Variants in TRPC5 observed in about 807,000 individuals in gnomAD.
The protein encoded by TRPC5 is transient receptor potential cation channel subfamily C member 5, also known as short transient receptor potential channel 5.
A neutral mutation model predicts 56.5 loss-of-function variants in TRPC5; 9 were observed. The ratio of observed to expected loss-of-function variants is 0.16; its 90% confidence interval spans 0.10 to 0.28. The LOEUF is 0.28. Ranked by LOEUF, TRPC5 falls within the 10% of genes least tolerant of loss-of-function variation. The probability of loss-of-function intolerance (pLI) is 1.00; values close to 1 mark genes in which losing one functional copy is unlikely to be tolerated. For missense variants in TRPC5, 469 were observed against 748.9 expected (o/e 0.63, Z 4.36); for synonymous variants, 282 against 278.5 (o/e 1.01, Z -0.13).
intron 1 of TRPC5, among the ~76,000 whole-genome samples, chrX:112,005,833 G>A (rs1280604709): frequency 8.9e-6 from 1 of 111,733 alleles, no homozygotes. Flanking sequence ...ATTTGAAATT[G>A]ACCTGATATG....
At chrX:112,060,839 G>A (rs1019887690) in intron 1 of TRPC5, among the ~76,000 whole-genome samples, 9 of 112,547 alleles carry the variant, frequency 8.0e-5, no homozygotes, top group African/African-American at 2.6e-4. Context: ...TTTGTTAGCT[G>A]CAATATGCTT....
intron 3 of TRPC5, among the ~76,000 whole-genome samples, chrX:111,886,850 A>G (rs1325577882): frequency 1.8e-5 from 2 of 112,677 alleles, no homozygotes; most frequent in Non-Finnish European, 3.7e-5. Context: ...GTATGTAAAT[A>G]TAGCTGCATC....
chrX:111,853,440 T>C (rs1923138950), intron 4 of TRPC5, among the ~76,000 whole-genome samples: 1 of 111,960 alleles, frequency 8.9e-6, no homozygotes, highest in Non-Finnish European at 1.9e-5. Context: ...TTGAATAGAC[T>C]GATCAGCACT....
chrX:111,946,895 C>T (rs760060509), intron 2 of TRPC5, among the ~76,000 whole-genome samples: 7 of 112,293 alleles, frequency 6.2e-5, no homozygotes, highest in Non-Finnish European at 1.1e-4. Context: ...CAATAGGCTG[C>T]AGATTCTCAG....
intron 1 of TRPC5, among the ~76,000 whole-genome samples, chrX:112,069,326 G>A (rs1930660569): frequency 8.9e-6 from 1 of 111,949 alleles, no homozygotes; most frequent in Non-Finnish European, 1.9e-5. Flanking sequence ...ATGGGAAAGT[G>A]CTTTGGGCAT....
intron 3 of TRPC5, among the ~76,000 whole-genome samples, chrX:111,864,048 G>C (rs182997841): frequency 1.8e-5 from 2 of 110,840 alleles, no homozygotes; most frequent in African/African-American, 6.6e-5. Context: ...GTGCAGTGGC[G>C]CGATCTCAGC....
chrX:111,845,891 C>T (rs1490329805), intron 6 of TRPC5, among the ~76,000 whole-genome samples: 1 of 111,617 alleles, frequency 9.0e-6, no homozygotes, highest in Admixed American at 9.6e-5. Context: ...AAGATTTAGC[C>T]CTGAGTTTCA....
At chrX:112,023,249 T>TA (rs1929328761) in intron 1 of TRPC5, among the ~76,000 whole-genome samples, 1 of 82,187 alleles carries the variant, frequency 1.2e-5, no homozygotes, top group Non-Finnish European at 2.3e-5. Flanking sequence ...TTTTTTTGTT[T>TA]TTTTTTTTTT....
intron 7 of TRPC5, among the ~76,000 whole-genome samples, chrX:111,818,974 T>C (rs771623204): frequency 8.9e-5 from 10 of 111,922 alleles, no homozygotes; most frequent in Non-Finnish European, 1.5e-4. Context: ...TTCCATTTTA[T>C]AGATTGGGAA....
chrX:111,975,591 G>C (rs975405526), intron 1 of TRPC5, among the ~76,000 whole-genome samples: 1 of 110,317 alleles, frequency 9.1e-6, no homozygotes, highest in African/African-American at 3.3e-5. Context: ...CACACCCCCC[G>C]ACAGACTAAA....
intron 3 of TRPC5, among the ~76,000 whole-genome samples, chrX:111,865,050 G>A (rs1345468405): frequency 9.1e-6 from 1 of 110,401 alleles, no homozygotes; most frequent in Non-Finnish European, 1.9e-5. Flanking sequence ...GAGTGTACTG[G>A]CATGATCTCA....
chrX:111,878,582 G>A (rs920304997), intron 3 of TRPC5, among the ~76,000 whole-genome samples: 27 of 111,776 alleles, frequency 2.4e-4, no homozygotes, highest in African/African-American at 7.5e-4. Context: ...TCTGTGTACT[G>A]TAGGGTGTTT....
In TRPC5 at chrX:111,882,754, T is replaced by G. The variant is rs1277186901; in HGVS notation, c.901-28648A>C. Among the ~76,000 whole-genome samples the G allele has an allele frequency of 1.1e-4, 12 of 112,016 alleles. No individual in the cohort carries two copies. In the Admixed American group the frequency reaches 1.1e-3, roughly 11 times the overall value. On this transcript the variant is annotated intron_variant, in intron 3 of 10. Transcript: ENST00000262839. ...AGATATCAGTTAGGTGGAGACAGAGTCTAAGTCTAGTTAAGTCCTAGTCGG... is the reference window on the plus strand; with the variant it reads ...AGATATCAGTTAGGTGGAGACAGAGGCTAAGTCTAGTTAAGTCCTAGTCGG...
Position 111,968,863 on chromosome X carries a change from A to C in TRPC5, c.-21-16422T>G, listed in dbSNP as rs756723704. Among the ~76,000 whole-genome samples, 395 of 103,317 alleles carry C rather than the reference A, an allele frequency of 3.8e-3. 3 individuals carry two copies. Among genetic ancestry groups the C allele is most frequent in the African/African-American group, 0.013 (381 of 28,485 alleles). 89.7% of individuals were successfully genotyped at this position (103,317 alleles called of 115,157 possible). A position where few individuals can be genotyped will look rare whatever the true frequency, so the allele number is the denominator to read the frequency against. On this transcript the variant is annotated intron_variant, in intron 1 of 10. Coordinates refer to ENST00000262839, the MANE Select transcript of TRPC5 (RefSeq NM_012471.3). ...GGGGGGAGGGATAGCATTTGGAGATATACCTAATGCTAAATGATGAGTTAA... is the reference window on the plus strand; with the variant it reads ...GGGGGGAGGGATAGCATTTGGAGATCTACCTAATGCTAAATGATGAGTTAA...
chrX:112,072,835 C>G (rs1162669546), intron 1 of TRPC5, among the ~76,000 whole-genome samples: 6 of 111,212 alleles, frequency 5.4e-5, no homozygotes, highest in Non-Finnish European at 1.1e-4. Flanking sequence ...TTGGTGTGCC[C>G]ATTTCTAACT....
intron 1 of TRPC5, among the ~76,000 whole-genome samples, chrX:111,995,132 A>T (rs781623604): frequency 8.9e-6 from 1 of 111,803 alleles, no homozygotes; most frequent in Non-Finnish European, 1.9e-5. Context: ...ATTTTGAGAT[A>T]CATTCCATCA....
At chrX:111,839,975 C>T (rs1922680113) in intron 6 of TRPC5, among the ~76,000 whole-genome samples, 1 of 111,484 alleles carries the variant, frequency 9.0e-6, no homozygotes, top group African/African-American at 3.3e-5. Flanking sequence ...TCGAGACCAT[C>T]CTGGCTAACA....
At position 112,043,801 on chromosome X, in the gene TRPC5, C is replaced by G. The variant is rs73550111; in HGVS notation, c.-22+38078G>C. On this transcript the variant is annotated intron_variant, in intron 1 of 10. Coordinates refer to ENST00000262839, the MANE Select transcript of TRPC5 (RefSeq NM_012471.3). ...CACTTGAGTAAAAGATCCCATGGCT[C>G]TTTTGTCAGTAAGTTAAATAGAAAT... Among the ~76,000 whole-genome samples the G allele has an allele frequency of 4.3e-3, 471 of 110,705 alleles. 3 individuals are homozygous for G. The highest frequency in any genetic ancestry group is 0.014 in the African/African-American group (441 of 30,583).
chrX:111,956,794 C>G (rs1326145466), intron 1 of TRPC5, among the ~76,000 whole-genome samples: 1 of 111,812 alleles, frequency 8.9e-6, no homozygotes, highest in Non-Finnish European at 1.9e-5. Context: ...AAAAAGTCCC[C>G]TTGACAGTAT....
Sources: gnomAD v4.1 joint callset for allele counts (sites outside exome capture counted in the v4.1 genomes callset) on GRCh38, gnomAD v4.1.1 for gene constraint, MANE v1.5 for transcripts, NCBI Gene and HGNC (gene_info 2026-07-23, HGNC 2026-07-21) for gene names.